The following GDPD5 variants were observed in gnomAD, a reference collection of about 807,000 sequenced individuals.
GDPD5 encodes the protein glycerophosphodiester phosphodiesterase 2.
GDPD5 carries 48 observed loss-of-function variants against 75.1 expected under a neutral mutation model. The ratio of observed to expected loss-of-function variants is 0.64; its 90% CI spans 0.51 to 0.81. The LOEUF (loss-of-function observed/expected upper bound fraction) is 0.81. Among genes scored for constraint, GDPD5 ranks in the 40% least tolerant of loss-of-function variants. The pLI, the probability that GDPD5 is intolerant of heterozygous loss-of-function variation, is 0.00. For missense variants in GDPD5, 706 were observed against 822.6 expected (o/e 0.86, Z 1.73); for synonymous variants, 336 against 339.0 (o/e 0.99, Z 0.10).
rs765773407 is a variant in GDPD5, at chr11:75,457,714, G to A, written c.294C>T (p.Phe98=). 39 of 1,613,996 alleles carry A rather than the reference G, an allele frequency of 2.4e-5. No homozygotes were observed. In the African/African-American group the frequency reaches 2.7e-4, roughly 11 times the overall value. ...VPILVTTAAA[F]AYIAGLLVLA... ...GTACCAGGAGGCCAGCGATGTATGC[G>A]AAGGCAGCAGCTGTGGTCACAAGGA... Residue 98 remains phenylalanine (F), a synonymous_variant, in exon 5 of 17, where the codon TTC becomes TTT. Coordinates refer to ENST00000336898, the MANE Select transcript of GDPD5 (RefSeq NM_030792.8).
At chr11:75,498,900 G>C (rs1355445187) in intron 1 of GDPD5, among the ~76,000 whole-genome samples, 1 of 152,088 alleles carries the variant, frequency 6.6e-6, no homozygotes, top group African/African-American at 2.4e-5. Context: ...TGCCCCTGGA[G>C]GGTCAGCCCT....
chr11:75,442,984 G>A, intron 11 of GDPD5, 152 bp downstream of exon 11: 2 of 812,400 alleles, frequency 2.5e-6, no homozygotes, highest in African/African-American at 1.7e-5. Context: ...GCAGTGGCAG[G>A]AGCCTAGGAG....
intron 2 of GDPD5, among the ~76,000 whole-genome samples, chr11:75,482,817 C>G (rs949683839): frequency 6.6e-6 from 1 of 152,222 alleles, no homozygotes; most frequent in Non-Finnish European, 1.5e-5. Context: ...ATGTCCCTCC[C>G]TCTTACCTGG....
intron 4 of GDPD5, among the ~76,000 whole-genome samples, chr11:75,461,870 T>C (rs552836495): frequency 5.9e-5 from 9 of 152,302 alleles, no homozygotes; most frequent in Non-Finnish European, 1.0e-4. Flanking sequence ...GCCTGTTTCC[T>C]TATCTGTCAG....
intron 1 of GDPD5, among the ~76,000 whole-genome samples, chr11:75,501,719 G>A (rs1459131130): frequency 6.6e-6 from 1 of 152,160 alleles, no homozygotes; most frequent in Non-Finnish European, 1.5e-5. Context: ...GAGAGCAGGA[G>A]CCGCTCTCCA....
At chr11:75,448,536 C>A (rs139176051) in intron 9 of GDPD5, 1 of 988,220 alleles carries the variant, frequency 1.0e-6, no homozygotes, top group South Asian at 4.7e-5. Flanking sequence ...TGGCAGAATG[C>A]GGCGCTGACT....
At chr11:75,458,651 G>A (rs1015823744) in intron 4 of GDPD5, among the ~76,000 whole-genome samples, 3 of 148,312 alleles carry the variant, frequency 2.0e-5, no homozygotes, top group Admixed American at 6.9e-5. Flanking sequence ...CAGCCTGGGC[G>A]ACAGTGTGAG....
At chr11:75,501,738 G>A (rs1338497622) in intron 1 of GDPD5, among the ~76,000 whole-genome samples, 1 of 152,148 alleles carries the variant, frequency 6.6e-6, no homozygotes, top group Non-Finnish European at 1.5e-5. Flanking sequence ...CACAGACAGG[G>A]CTGGGGGCAG....
chr11:75,448,939 C>A, intron 9 of GDPD5, 38 bp downstream of exon 9: 1 of 1,527,372 alleles, frequency 6.5e-7, no homozygotes, highest in Non-Finnish European at 8.7e-7. Context: ...TCGCACCCCA[C>A]CCCAACGGGG....
chr11:75,514,527 G>A (rs1246140711), intron 1 of GDPD5, among the ~76,000 whole-genome samples: 1 of 152,264 alleles, frequency 6.6e-6, no homozygotes, highest in Non-Finnish European at 1.5e-5. Context: ...TAAGCACAGA[G>A]AGGAAGAACA....
At chr11:75,507,577 A>C (rs1446124622) in intron 1 of GDPD5, among the ~76,000 whole-genome samples, 2 of 152,240 alleles carry the variant, frequency 1.3e-5, no homozygotes, top group African/African-American at 4.8e-5. Flanking sequence ...GGGGTTCTTA[A>C]GGCAGGGCTG....
intron 3 of GDPD5, among the ~76,000 whole-genome samples, chr11:75,465,700 G>A (rs190397495): frequency 2.8e-4 from 42 of 152,362 alleles, no homozygotes; most frequent in Non-Finnish European, 5.0e-4. Context: ...CACGCTGGCA[G>A]TGTTAGATGG....
intron 1 of GDPD5, among the ~76,000 whole-genome samples, chr11:75,491,943 CAG>C: frequency 6.6e-6 from 1 of 152,242 alleles, no homozygotes; most frequent in East Asian, 1.9e-4. Context: ...TATTGAGGTC[CAG>C]AGAGGGGCAG....
At chr11:75,517,782 G>A (rs1950672652) in intron 1 of GDPD5, among the ~76,000 whole-genome samples, 1 of 151,324 alleles carries the variant, frequency 6.6e-6, no homozygotes, top group Non-Finnish European at 1.5e-5. Context: ...GGCCTCCAAT[G>A]TTCCCTGGAC....
At chr11:75,467,435 T>C (rs73494878) in intron 3 of GDPD5, among the ~76,000 whole-genome samples, 4,098 of 152,178 alleles carry the variant, frequency 0.027, 204 homozygotes, top group African/African-American at 0.093. Flanking sequence ...TGGTCACCTA[T>C]GGCGTGAGGG....
chr11:75,435,485 G>T lies in GDPD5; in HGVS notation c.*22C>A. 6.4e-7 allele frequency: 1 copy of T among 1,573,032 alleles called. No homozygotes were observed. Among genetic ancestry groups the T allele is most frequent in the Non-Finnish European group, 8.6e-7 (1 of 1,158,868 alleles). ...CTCCCCAGCTTCTGTGTCAGGTACA[G>T]GTGGGACAGACATGTCTTCAGCTAA... On this transcript the variant is annotated 3_prime_UTR_variant, in exon 17 of 17. Transcript: ENST00000336898.
intron 9 of GDPD5, among the ~76,000 whole-genome samples, chr11:75,447,469 T>C (rs1291547637): frequency 6.6e-6 from 1 of 152,014 alleles, no homozygotes; most frequent in African/African-American, 2.4e-5. Context: ...ATGCCTAAGA[T>C]TTGCTTTACT....
At chr11:75,487,860 C>A (rs2135408135) in intron 2 of GDPD5, among the ~76,000 whole-genome samples, 1 of 152,348 alleles carries the variant, frequency 6.6e-6, no homozygotes, top group Admixed American at 6.5e-5. Context: ...CTCAAAATCT[C>A]AGGCTCCAAA....
chr11:75,452,625 C>T (rs987759733), intron 6 of GDPD5, among the ~76,000 whole-genome samples: 1 of 152,194 alleles, frequency 6.6e-6, no homozygotes. Flanking sequence ...GTGAATGCGC[C>T]TTCCTTAAGC....
Sources: gnomAD v4.1 joint callset for allele counts (sites outside exome capture counted in the v4.1 genomes callset) on GRCh38, gnomAD v4.1.1 for gene constraint, MANE v1.5 for transcripts, NCBI Gene and HGNC (gene_info 2026-07-23, HGNC 2026-07-21) for gene names.